Variants in ZNF143 observed in about 807,000 individuals in gnomAD.
The protein encoded by ZNF143 is zinc finger protein 143, also known as SPH-binding factor.
Under a neutral mutation model 74.1 loss-of-function variants are expected in ZNF143, and 49 were observed. That is an observed-to-expected ratio of 0.66 (90% CI 0.53 to 0.84). The LOEUF (loss-of-function observed/expected upper bound fraction) is 0.84. ZNF143 is among the 40% of genes least tolerant of loss of function. The pLI, the probability that ZNF143 is intolerant of heterozygous loss-of-function variation, is 0.00. For synonymous variants in ZNF143, 304 were observed against 282.8 expected (o/e 1.07, Z -0.75); for missense variants, 637 against 793.4 (o/e 0.80, Z 2.37).
intron 11 of ZNF143, among the ~76,000 whole-genome samples, chr11:9,504,775 A>T (rs1480324927): frequency 8.5e-6 from 1 of 117,026 alleles, no homozygotes; most frequent in Non-Finnish European, 2.0e-5. Context: ...CCTGGGTTCA[A>T]GCGATTCTCC....
At chr11:9,481,709 A>G (rs943049519) in intron 7 of ZNF143, among the ~76,000 whole-genome samples, 1 of 151,744 alleles carries the variant, frequency 6.6e-6, no homozygotes, top group Admixed American at 6.6e-5. Context: ...CCAACATGGC[A>G]AAACCCCATC....
At chr11:9,472,531 C>A in intron 2 of ZNF143, 146 bp from the exon 3 acceptor site, 2 of 659,854 alleles carry the variant, frequency 3.0e-6, no homozygotes, top group South Asian at 1.9e-5. Flanking sequence ...TGATTACAGG[C>A]GTGAGCCACT....
At chr11:9,473,852 A>G in intron 3 of ZNF143, 89 bp from the exon 4 acceptor site, 1 of 1,610,452 alleles carries the variant, frequency 6.2e-7, no homozygotes, top group Non-Finnish European at 8.5e-7. Context: ...TAAGTTGTGT[A>G]TGTTTTTATA....
At chr11:9,523,158 T>C (rs758890200) in intron 14 of ZNF143, among the ~76,000 whole-genome samples, 1 of 152,050 alleles carries the variant, frequency 6.6e-6, no homozygotes, top group Non-Finnish European at 1.5e-5. Flanking sequence ...CTGGAGAATA[T>C]TGATTTTTTT....
chr11:9,498,009 T>C (rs1411230693), intron 10 of ZNF143, among the ~76,000 whole-genome samples: 1 of 152,118 alleles, frequency 6.6e-6, no homozygotes, highest in Non-Finnish European at 1.5e-5. Context: ...TTTTTGTATT[T>C]TTAGTAGAGA....
intron 3 of ZNF143, among the ~76,000 whole-genome samples, chr11:9,473,391 CAA>C (rs56303913): frequency 1.2e-4 from 15 of 127,512 alleles, no homozygotes; most frequent in Admixed American, 3.3e-4. Flanking sequence ...AACTCTGTCT[CAA>C]AAAAAAAAAA....
chr11:9,516,091 T>C (rs1848712844), intron 13 of ZNF143, 110 bp from the exon 14 acceptor site: 1 of 839,172 alleles, frequency 1.2e-6, no homozygotes, highest in African/African-American at 1.7e-5. Context: ...CTAAAAGGCT[T>C]ATTTACATCC....
At chr11:9,505,679 C>T (rs1218204696) in intron 11 of ZNF143, among the ~76,000 whole-genome samples, 4 of 151,630 alleles carry the variant, frequency 2.6e-5, no homozygotes, top group Admixed American at 6.6e-5. Flanking sequence ...GTCAGAGTTT[C>T]GTGACCAGCC....
intron 1 of ZNF143, among the ~76,000 whole-genome samples, chr11:9,466,904 GT>G (rs932719110): frequency 6.6e-6 from 1 of 151,160 alleles, no homozygotes; most frequent in Admixed American, 6.6e-5. Context: ...GTGTGTGTGT[GT>G]TTTTTTGACA....
At chr11:9,526,220 G>A (rs1398893506) in intron 15 of ZNF143, among the ~76,000 whole-genome samples, 1 of 152,002 alleles carries the variant, frequency 6.6e-6, no homozygotes, top group African/African-American at 2.4e-5. Flanking sequence ...CAGGTGTGGT[G>A]GTGTGCACCT....
At chr11:9,472,644 TG>T in intron 2 of ZNF143, 32 bp from the exon 3 acceptor site, 3 of 1,568,964 alleles carry the variant, frequency 1.9e-6, no homozygotes, top group Non-Finnish European at 2.6e-6. Context: ...ATATGCTAGC[TG>T]TCTAAAGAAA....
intron 7 of ZNF143, among the ~76,000 whole-genome samples, chr11:9,485,689 C>T (rs566128458): frequency 6.6e-6 from 1 of 151,566 alleles, no homozygotes; most frequent in South Asian, 2.1e-4. Context: ...TCTCATGGTT[C>T]TTTAAAAATT....
intron 14 of ZNF143, among the ~76,000 whole-genome samples, chr11:9,517,517 T>C (rs1007068218): frequency 6.6e-6 from 1 of 152,172 alleles, no homozygotes; most frequent in African/African-American, 2.4e-5. Flanking sequence ...CCTTCTAGGG[T>C]TGTGCCAGTC....
Position 9,527,468 on chromosome 11 carries a change from T to G in ZNF143, c.1834-62T>G, listed in dbSNP as rs1849169898. ...TCACTTCTGGCATATAACATTTCTT[T>G]GGCATTTTCTTGACTGTGGCTTTTG... is the stretch of plus-strand genomic sequence containing the variant. On this transcript the variant is annotated intron_variant, in intron 15 of 15. Transcript: ENST00000396602. 4 of 1,492,018 alleles carry G rather than the reference T, an allele frequency of 2.7e-6. No individual in the cohort carries two copies. The Admixed American group carries it at 6.8e-5, about 25-fold the overall frequency. The allele number at this position is 1,492,018 out of a possible 1,614,324, so 92.4% of individuals were successfully genotyped here.
chr11:9,520,889 A>T (rs1189336349), intron 14 of ZNF143, among the ~76,000 whole-genome samples: 1 of 152,282 alleles, frequency 6.6e-6, no homozygotes. Flanking sequence ...TAAGTGGTCT[A>T]TCATTGTGGT....
At chr11:9,514,476 A>G (rs1012100051) in intron 13 of ZNF143, among the ~76,000 whole-genome samples, 6 of 152,224 alleles carry the variant, frequency 3.9e-5, no homozygotes, top group Non-Finnish European at 7.3e-5. Flanking sequence ...GGGCAGTATC[A>G]CAGTCTAGTA....
intron 7 of ZNF143, among the ~76,000 whole-genome samples, chr11:9,492,893 A>C (rs991547478): frequency 2.0e-5 from 3 of 152,194 alleles, no homozygotes; most frequent in Non-Finnish European, 4.4e-5. Flanking sequence ...GCTATATATC[A>C]CAGGTTTGCT....
intron 7 of ZNF143, among the ~76,000 whole-genome samples, chr11:9,485,237 GT>G (rs1245166513): frequency 6.7e-6 from 1 of 150,178 alleles, no homozygotes; most frequent in Non-Finnish European, 1.5e-5. Flanking sequence ...TCATGTTTAT[GT>G]TTAGAAAATC....
chr11:9,506,333 A>C (rs1848364120), intron 11 of ZNF143, among the ~76,000 whole-genome samples: 1 of 152,248 alleles, frequency 6.6e-6, no homozygotes, highest in African/African-American at 2.4e-5. Flanking sequence ...ACTCCGTCTC[A>C]AAAAGAAAAG....
Sources: gnomAD v4.1 joint callset for allele counts (sites outside exome capture counted in the v4.1 genomes callset) on GRCh38, gnomAD v4.1.1 for gene constraint, MANE v1.5 for transcripts, NCBI Gene and HGNC (gene_info 2026-07-23, HGNC 2026-07-21) for gene names.